Variants in OAS3 observed in about 807,000 individuals in gnomAD.
OAS3 encodes the protein 2'-5'-oligoadenylate synthetase 3.
In OAS3, 107 loss-of-function variants were observed where a neutral mutation model predicts 113.0. The observed-to-expected ratio is 0.95, with a 90% CI of 0.81 to 1.11. The LOEUF (loss-of-function observed/expected upper bound fraction) is 1.11, where lower values mean the gene tolerates loss of function less well. Among genes scored for constraint, OAS3 ranks in the 50% most tolerant of loss-of-function variants. The probability of loss-of-function intolerance (pLI) is 0.00; values close to 1 mark genes in which losing one functional copy is unlikely to be tolerated. For missense variants in OAS3, 1,258 were observed against 1,389.1 expected, an observed-to-expected ratio of 0.91 and a Z score of 1.50; for synonymous variants, 552 against 573.6, an observed-to-expected ratio of 0.96 and a Z score of 0.54.
chr12:112,942,809 G>GTTATTA (rs150839864), intron 2 of OAS3, among the ~76,000 whole-genome samples: 124 of 147,298 alleles, frequency 8.4e-4, no homozygotes, highest in Non-Finnish European at 1.4e-3. Context: ...TATTATTATT[G>GTTATTA]TTATTATTAT....
chr12:112,967,925 T>C lies in OAS3; in HGVS notation c.2866-11T>C. The C allele has an allele frequency of 6.2e-7, 1 of 1,610,518 alleles. No homozygotes were observed. Among genetic ancestry groups the C allele is most frequent in the Non-Finnish European group, 8.5e-7 (1 of 1,177,726 alleles). ...AATATGAACCAACATATCTTTCTTC[T>C]CGTTCTCCAGTGTACCAAGATCTCC... On this transcript the variant is annotated splice_polypyrimidine_tract_variant and intron_variant, in intron 13 of 15. Coordinates refer to ENST00000228928, the MANE Select transcript of OAS3 (RefSeq NM_006187.4).
chr12:112,942,984 T>A (rs1304267318), intron 2 of OAS3, among the ~76,000 whole-genome samples: 3 of 151,876 alleles, frequency 2.0e-5, no homozygotes, highest in Non-Finnish European at 4.4e-5. Flanking sequence ...GTCACCCAGG[T>A]TGGAGTGTGG....
chr12:112,954,321 C>A lies in OAS3; in HGVS notation c.1657+3346C>A, dbSNP rs540739506. Among the ~76,000 whole-genome samples, 14 of 152,042 alleles carry A rather than the reference C, an allele frequency of 9.2e-5. No homozygotes were observed. Among genetic ancestry groups the A allele is most frequent in the Non-Finnish European group, 5.9e-5 (4 of 67,940 alleles). ...GTTGTTGTTGTTTGAGATGGAGTCTCGCTCTGTTGCCTAGGCTGGAGTGCA... is the reference window on the plus strand; with the variant it reads ...GTTGTTGTTGTTTGAGATGGAGTCTAGCTCTGTTGCCTAGGCTGGAGTGCA... On this transcript the variant is annotated intron_variant, in intron 7 of 15. Transcript: ENST00000228928. The surrounding 1 kb of genome is among the most constrained non-coding windows in gnomAD (Gnocchi z 4.0).
chr12:112,961,681 C>T (rs1404056889), intron 8 of OAS3, among the ~76,000 whole-genome samples: 4 of 152,174 alleles, frequency 2.6e-5, no homozygotes, highest in Non-Finnish European at 5.9e-5. Context: ...AGCACTTGAA[C>T]AGAAAAGATC....
At chr12:112,955,796 T>C (rs1009016426) in intron 7 of OAS3, among the ~76,000 whole-genome samples, 1 of 152,200 alleles carries the variant, frequency 6.6e-6, no homozygotes, top group Non-Finnish European at 1.5e-5. Flanking sequence ...GGGATATTGG[T>C]CTTTTTTTGT....
intron 7 of OAS3, among the ~76,000 whole-genome samples, chr12:112,953,806 A>G (rs897214148): frequency 1.3e-5 from 2 of 152,176 alleles, no homozygotes; most frequent in Admixed American, 1.3e-4. Context: ...GTGTCTGTTC[A>G]TATCCTTTAC....
chr12:112,966,902 C>CAA (rs2043939117), intron 12 of OAS3, among the ~76,000 whole-genome samples: 1 of 152,154 alleles, frequency 6.6e-6, no homozygotes, highest in South Asian at 2.1e-4. Context: ...CAGTGGCCTT[C>CAA]GAGAGTGCTG....
chr12:112,941,839 C>T lies in OAS3; in HGVS notation c.447C>T (p.Ala149=). ...EDWMDVSLVP[A]FNVLGQAGSG... The stretch of plus-strand genomic sequence containing the variant: ...GGATGGATGTTAGCCTGGTGCCTGC[C>T]TTCAATGTCCTGGGTGAGGGGTTCC... The change falls in exon 2 of 16, where the codon GCC becomes GCT. Residue 149 remains alanine (A), a synonymous_variant. Transcript: ENST00000228928. 1 of 1,613,998 alleles carries T rather than the reference C, an allele frequency of 6.2e-7. No individual in the cohort carries two copies. Among genetic ancestry groups the T allele is most frequent in the Non-Finnish European group, 8.5e-7 (1 of 1,179,886 alleles).
chr12:112,963,017 C>T lies in OAS3; in HGVS notation c.2084+115C>T. On this transcript the variant is annotated intron_variant, in intron 9 of 15. Coordinates refer to ENST00000228928, the MANE Select transcript of OAS3 (RefSeq NM_006187.4). The surrounding 1 kb of genome is among the most constrained non-coding windows in gnomAD (Gnocchi z 4.6). ...AGGGTTTGGGGTGGCAATCCCACTC[C>T]TCACTCTGCTTCCCTCTGGACTCTT... 2.1e-6 allele frequency: 3 copies of T among 1,427,454 alleles called. No homozygotes were observed. The highest frequency in any genetic ancestry group is 2.9e-6 in the Non-Finnish European group (3 of 1,041,620). The allele number at this position is 1,427,454 out of a possible 1,614,324, so 88.4% of individuals were successfully genotyped here.
intron 7 of OAS3, among the ~76,000 whole-genome samples, chr12:112,959,839 A>G (rs531291229): frequency 1.3e-5 from 2 of 152,200 alleles, no homozygotes; most frequent in African/African-American, 4.8e-5. Context: ...TCTAAAAGTT[A>G]TGTTTCTCTC....
At chr12:112,962,534 A>G (rs2043896291) in intron 8 of OAS3, 118 bp from the exon 9 acceptor site, 4 of 1,234,602 alleles carry the variant, frequency 3.2e-6, no homozygotes, top group Non-Finnish European at 3.4e-6. Context: ...AGCATCAGCA[A>G]GTTTCTATTC....
chr12:112,953,092 C>T (rs968412749), intron 7 of OAS3, among the ~76,000 whole-genome samples: 2 of 152,108 alleles, frequency 1.3e-5, no homozygotes, highest in Non-Finnish European at 2.9e-5. Flanking sequence ...CACCCATTAA[C>T]TCGTCATTTA....
At chr12:112,946,668 G>C in intron 3 of OAS3, 75 bp from the exon 4 acceptor site, 2 of 1,337,754 alleles carry the variant, frequency 1.5e-6, no homozygotes, top group Non-Finnish European at 2.1e-6. Flanking sequence ...AAGGTCCCCA[G>C]TCTGGTTATG....
intron 1 of OAS3, among the ~76,000 whole-genome samples, chr12:112,940,592 T>A (rs2043670705): frequency 6.6e-6 from 1 of 152,208 alleles, no homozygotes; most frequent in Admixed American, 6.5e-5. Context: ...AGAAATTGAG[T>A]CATACCACAG....
At position 112,948,873 on chromosome 12, in the gene OAS3, G is replaced by C. The variant is rs1414415142; in HGVS notation, c.1042G>C (p.Ala348Pro). Reference sequence around the variant, plus strand: ...AATGACCTTCCAGGGCCTTCCACGTGCTGGATGCTCAGGTTTGGGCCACCC... The same window carrying C: ...AATGACCTTCCAGGGCCTTCCACGTCCTGGATGCTCAGGTTTGGGCCACCC... Reference protein sequence around the residue: ...QSWKGPGLPRAGCSGLGHPIQ... With the variant: ...QSWKGPGLPRPGCSGLGHPIQ... The change falls in exon 6 of 16, where the codon GCT (alanine) becomes CCT (proline). Residue 348 changes from alanine to proline, a missense_variant. Ala to Pro is a conservative substitution (Grantham distance 27, BLOSUM62 -1). Transcript: ENST00000228928. 2.5e-6 allele frequency: 4 copies of C among 1,575,604 alleles called. No homozygotes were observed. Among genetic ancestry groups the C allele is most frequent in the Non-Finnish European group, 3.5e-6 (4 of 1,159,146 alleles).
intron 2 of OAS3, among the ~76,000 whole-genome samples, chr12:112,942,809 GTTATTATTATTATTA>G (rs150839864): frequency 2.0e-5 from 3 of 147,284 alleles, no homozygotes; most frequent in Admixed American, 2.0e-4. Context: ...TATTATTATT[GTTATTATTATTATTA>G]TTATTATTTA....
Position 112,962,745 on chromosome 12 carries a change from G to A in OAS3, c.1927G>A (p.Gly643Ser), listed in dbSNP as rs998990547. The A allele has an allele frequency of 1.2e-6, 2 of 1,613,896 alleles. No individual in the cohort carries two copies. Among genetic ancestry groups the A allele is most frequent in the Non-Finnish European group, 8.5e-7 (1 of 1,179,900 alleles). ...CCTCACCATCTTTGCCTGGGAGCAG[G>A]GCTGCAGGCAGGATTGTTTCAACAT... ...ELLTIFAWEQ[G>S]CRQDCFNMAQ... The change falls in exon 9 of 16, where the codon GGC becomes AGC. Residue 643 changes from glycine to serine, a missense_variant. By Grantham distance (56) the Gly-to-Ser change is moderately conservative (BLOSUM62 0). Coordinates refer to ENST00000228928, the MANE Select transcript of OAS3 (RefSeq NM_006187.4).
At position 112,968,164 on chromosome 12, in the gene OAS3, C is replaced by A. The variant is rs1452787845; in HGVS notation, c.3094C>A (p.Gln1032Lys). 1 of 1,612,650 alleles carries A rather than the reference C, an allele frequency of 6.2e-7. No homozygotes were observed. Among genetic ancestry groups the A allele is most frequent in the African/African-American group, 1.3e-5 (1 of 74,902 alleles). Residue 1032 changes from glutamine to lysine, a missense_variant, in exon 14 of 16, where the codon CAG (glutamine) becomes AAG (lysine). By Grantham distance (53) the Gln-to-Lys change is moderately conservative. Transcript: ENST00000228928. Reference protein sequence around the residue: ...TVGDFLKQQLQKPRPIILDPA... With the variant: ...TVGDFLKQQLKKPRPIILDPA... ...TGGAGACTTCCTGAAACAGCAGCTT[C>A]AGAAGCCCAGGTTCAGGTCTACCCC...
In OAS3 at chr12:112,954,244, G is replaced by A. The variant is rs937946617; in HGVS notation, c.1657+3269G>A. On this transcript the variant is annotated intron_variant, in intron 7 of 15. Transcript: ENST00000228928. The surrounding 1 kb of genome is among the most constrained non-coding windows in gnomAD (Gnocchi z 4.0). ...TTCCCAGCACTATTTATTAAATAGG[G>A]AATCCTTTCCCCATTTCTTGTTTGT... Among the ~76,000 whole-genome samples the A allele has an allele frequency of 2.2e-4, 33 of 152,262 alleles. 3 individuals carry two copies. The highest frequency in any genetic ancestry group is 1.0e-3 in the South Asian group (5 of 4,822).
Sources: gnomAD v4.1 joint callset for allele counts (sites outside exome capture counted in the v4.1 genomes callset) on GRCh38, gnomAD v4.1.1 for gene constraint, Gnocchi (gnomAD v3.1) non-coding constraint, MANE v1.5 for transcripts, NCBI Gene and HGNC (gene_info 2026-07-23, HGNC 2026-07-21) for gene names.